CABP7: variants seen among roughly 807,000 people sequenced by gnomAD.
The protein encoded by CABP7 is calcium-binding protein 7.
In CABP7, 13 loss-of-function variants were observed where a neutral mutation model predicts 23.1. The ratio of observed to expected loss-of-function variants is 0.56; its 90% CI spans 0.37 to 0.90. The LOEUF (loss-of-function observed/expected upper bound fraction) is 0.90. Among genes scored for constraint, CABP7 ranks in the 40% least tolerant of loss-of-function variants. The pLI, the probability that CABP7 is intolerant of heterozygous loss-of-function variation, is 0.01. For missense variants in CABP7, 248 were observed against 295.6 expected (o/e 0.84, Z 1.18); for synonymous variants, 123 against 115.3 (o/e 1.07, Z -0.43).
chr22:29,729,418 G>T, intron 4 of CABP7, 24 bp from the exon 5 acceptor site: 1 of 1,606,926 alleles, frequency 6.2e-7, no homozygotes, highest in East Asian at 2.2e-5. Context: ...CTGTCTCCCC[G>T]GTGCTCCCGG....
chr22:29,728,769 G>A (rs368548305), intron 3 of CABP7, 27 bp downstream of exon 3: 4 of 1,500,826 alleles, frequency 2.7e-6, no homozygotes, highest in African/African-American at 2.8e-5. Flanking sequence ...TGGGACCCAG[G>A]GCTGTGCACA....
rs377024133 is a variant in CABP7 at position 29,730,859 on chromosome 22, G to A, written c.*1290G>A. ...GAAGGGAGTGAGCGTGGGTCACCTG[G>A]GGAAAATCTCATCTGATTCCCTCCT... On this transcript the variant is annotated 3_prime_UTR_variant, in exon 5 of 5. Transcript: ENST00000216144. The A allele has an allele frequency of 1.4e-3, 236 of 164,066 alleles. 2 individuals carry two copies. The highest frequency in any genetic ancestry group is 1.9e-3 in the Admixed American group (29 of 15,580). 10.2% of individuals were successfully genotyped at this position (164,066 alleles called of 1,614,324 possible). A position where few individuals can be genotyped will look rare whatever the true frequency, so the allele number is the denominator to read the frequency against.
Position 29,720,008 on chromosome 22 carries a change from A to ACGAGCGAGCGAGCGAG in CABP7, c.-414_-399dup, listed in dbSNP as rs1001261040. On this transcript the variant is annotated 5_prime_UTR_variant, in exon 1 of 5. Coordinates refer to ENST00000216144, the MANE Select transcript of CABP7 (RefSeq NM_182527.3). This position sits in a 1 kb window ranked among gnomAD's most constrained non-coding sequence, Gnocchi z 5.2. ...GGGAGCGCAGCCAGCGCGGCACAGA[A>ACGAGCGAGCGAGCGAG]CGAGCGAGCGAGCGAGCGGAGAGGC... 1.4e-5 allele frequency: 2 copies of ACGAGCGAGCGAGCGAG among 147,018 alleles called. No homozygotes were observed. The highest frequency in any genetic ancestry group is 5.0e-5 in the African/African-American group (2 of 40,254). 9.1% of individuals were successfully genotyped at this position (147,018 alleles called of 1,614,324 possible).
At chr22:29,721,106 G>A (rs1031895811) in intron 1 of CABP7, among the ~76,000 whole-genome samples, 1 of 152,132 alleles carries the variant, frequency 6.6e-6, no homozygotes, top group Non-Finnish European at 1.5e-5. Context: ...CCAGCCCGGC[G>A]CGCCGGGAAG....
In CABP7 at chr22:29,730,142, A is replaced by AC. The variant is rs1055151015; in HGVS notation, c.*577dup. On this transcript the variant is annotated 3_prime_UTR_variant, in exon 5 of 5. Coordinates refer to ENST00000216144, the MANE Select transcript of CABP7 (RefSeq NM_182527.3). ...GGCCCCTTCCTCTGACCCTCGTTGG[A>AC]CCCCAACCCAGACCCCCTTTTCTCC... 44 of 152,736 alleles carry AC rather than the reference A, an allele frequency of 2.9e-4. No homozygotes were observed. Among genetic ancestry groups the AC allele is most frequent in the Middle Eastern group, 3.4e-3 (1 of 296 alleles). 9.5% of individuals were successfully genotyped at this position (152,736 alleles called of 1,614,324 possible). A position where few individuals can be genotyped will look rare whatever the true frequency, so the allele number is the denominator to read the frequency against.
rs770002818 is a variant in CABP7, at chr22:29,729,047, T to G, written c.367-8T>G. 6.2e-7 allele frequency: 1 copy of G among 1,600,550 alleles called. No individual in the cohort carries two copies. Among genetic ancestry groups the G allele is most frequent in the Admixed American group, 1.7e-5 (1 of 59,740 alleles). ...CTCTCAGAGCACCGTGTTGTCCCCC[T>G]CCGCAAGTGCGACATGCAGAAGCTG... On this transcript the variant is annotated splice_region_variant and splice_polypyrimidine_tract_variant and intron_variant, in intron 3 of 4. Coordinates refer to ENST00000216144, the MANE Select transcript of CABP7 (RefSeq NM_182527.3).
At position 29,720,940 on chromosome 22, in the gene CABP7, C is replaced by T. The variant is rs2067757393; in HGVS notation, c.109+407C>T. On this transcript the variant is annotated intron_variant, in intron 1 of 4. Coordinates refer to ENST00000216144, the MANE Select transcript of CABP7 (RefSeq NM_182527.3). The surrounding 1 kb of genome is among the most constrained non-coding windows in gnomAD (Gnocchi z 5.2). The stretch of plus-strand genomic sequence containing the variant: ...CGCGGCGCCCGCCCGCGGCTCTCTG[C>T]TCGCATTGACATTCCGCTCGTGTCG... 6.6e-6 allele frequency among the ~76,000 whole-genome samples: 1 copy of T among 152,066 alleles called. No individual in the cohort carries two copies. The highest frequency in any genetic ancestry group is 2.1e-4 in the South Asian group (1 of 4,836).
chr22:29,726,260 G>C (rs1344773753), intron 1 of CABP7, among the ~76,000 whole-genome samples: 1 of 152,210 alleles, frequency 6.6e-6, no homozygotes, highest in Non-Finnish European at 1.5e-5. Context: ...GTGGACACCA[G>C]TGGGATAAGC....
In CABP7 at chr22:29,720,642, C is replaced by G. The variant is rs889047310; in HGVS notation, c.109+109C>G. On this transcript the variant is annotated intron_variant, in intron 1 of 4. Transcript: ENST00000216144. This position sits in a 1 kb window ranked among gnomAD's most constrained non-coding sequence, Gnocchi z 5.2. ...GGGGCGGGGGGCGGTCCGCAGGTGCCGGTTGCCAGGTGGGCGCCCCAGCTA... is the reference window on the plus strand; with the variant it reads ...GGGGCGGGGGGCGGTCCGCAGGTGCGGGTTGCCAGGTGGGCGCCCCAGCTA... The G allele has an allele frequency of 2.7e-5, 16 of 583,640 alleles. No individual in the cohort carries two copies. The highest frequency in any genetic ancestry group is 4.0e-5 in the Non-Finnish European group (15 of 371,062). The allele number at this position is 583,640 out of a possible 1,614,324, so 36.2% of individuals were successfully genotyped here. A position where few individuals can be genotyped will look rare whatever the true frequency, so the allele number is the denominator to read the frequency against.
In CABP7 at chr22:29,727,463, T is replaced by C. The variant is rs113867240; in HGVS notation, c.110-199T>C. ...TGGGGGGCCTTGAGCCCTGCTTTAC[T>C]GCCCTGCTCAGCCTGCCCAGAGGTC... is the stretch of plus-strand genomic sequence containing the variant. On this transcript the variant is annotated intron_variant, in intron 1 of 4. Transcript: ENST00000216144. This position sits in a 1 kb window ranked among gnomAD's most constrained non-coding sequence, Gnocchi z 4.2. Among the ~76,000 whole-genome samples, 3 of 152,312 alleles carry C rather than the reference T, an allele frequency of 2.0e-5. No homozygotes were observed. Among genetic ancestry groups the C allele is most frequent in the African/African-American group, 7.2e-5 (3 of 41,578 alleles).
chr22:29,729,285 G>A, intron 4 of CABP7, 77 bp downstream of exon 4: 1 of 1,577,750 alleles, frequency 6.3e-7, no homozygotes, highest in Non-Finnish European at 8.6e-7. Flanking sequence ...GGGAGAGTCT[G>A]CAGAGGGGGG....
In CABP7 at chr22:29,728,749, C is replaced by T. The variant is rs761953884; in HGVS notation, c.366+7C>T. The T allele has an allele frequency of 6.3e-7, 1 of 1,592,402 alleles. No individual in the cohort carries two copies. Among genetic ancestry groups the T allele is most frequent in the Non-Finnish European group, 8.6e-7 (1 of 1,160,688 alleles). On this transcript the variant is annotated splice_region_variant and intron_variant, in intron 3 of 4. Coordinates refer to ENST00000216144, the MANE Select transcript of CABP7 (RefSeq NM_182527.3). ...TGATACTGTCTTCTGGAAGGTATCCCCTGGCTAGTTGGGACCCAGGGCTGT... is the reference window on the plus strand; with the variant it reads ...TGATACTGTCTTCTGGAAGGTATCCTCTGGCTAGTTGGGACCCAGGGCTGT...
intron 1 of CABP7, among the ~76,000 whole-genome samples, chr22:29,722,706 G>A (rs1012787725): frequency 1.3e-5 from 2 of 152,242 alleles, no homozygotes; most frequent in Admixed American, 6.5e-5. Context: ...TGCCCTCTCC[G>A]CCTCTGCAGG....
At position 29,729,426 on chromosome 22, in the gene CABP7, C is replaced by T. The variant is rs758530626; in HGVS notation, c.521-16C>T. 7.5e-6 allele frequency: 12 copies of T among 1,607,312 alleles called. No individual in the cohort carries two copies. Among genetic ancestry groups the T allele is most frequent in the Middle Eastern group, 1.6e-4 (1 of 6,074 alleles). ...TCCCCTTCTGTCTCCCCGGTGCTCCCGGCGGGCGGCCACAGCCTGCTCCAA... is the reference window on the plus strand; with the variant it reads ...TCCCCTTCTGTCTCCCCGGTGCTCCTGGCGGGCGGCCACAGCCTGCTCCAA... On this transcript the variant is annotated splice_polypyrimidine_tract_variant and intron_variant, in intron 4 of 4. Coordinates refer to ENST00000216144, the MANE Select transcript of CABP7 (RefSeq NM_182527.3).
At chr22:29,721,297 G>A (rs1396414449) in intron 1 of CABP7, among the ~76,000 whole-genome samples, 6 of 152,140 alleles carry the variant, frequency 3.9e-5, no homozygotes, top group Admixed American at 3.9e-4. Context: ...AGAGCAGAGG[G>A]CAGGGGCAGG....
intron 2 of CABP7, among the ~76,000 whole-genome samples, chr22:29,728,284 C>A (rs997332537): frequency 6.6e-6 from 1 of 152,210 alleles, no homozygotes; most frequent in Non-Finnish European, 1.5e-5. Flanking sequence ...CCACTCTGAG[C>A]TTCAGTTCCT....
At chr22:29,724,710 G>T (rs1269980412) in intron 1 of CABP7, among the ~76,000 whole-genome samples, 1 of 152,182 alleles carries the variant, frequency 6.6e-6, no homozygotes, top group African/African-American at 2.4e-5. Flanking sequence ...CCAAGGAGGG[G>T]TGTTAAAGGG....
rs1479035114 is a variant in CABP7, at chr22:29,727,039, C to T, written c.110-623C>T. On this transcript the variant is annotated intron_variant, in intron 1 of 4. Coordinates refer to ENST00000216144, the MANE Select transcript of CABP7 (RefSeq NM_182527.3). The surrounding 1 kb of genome is among the most constrained non-coding windows in gnomAD (Gnocchi z 4.2). ...GTCATCAGGCCTCGGTCTTCTGCTC[C>T]GTACAGTGTGGAGGGCGACCCCCCA... is the stretch of plus-strand genomic sequence containing the variant. 6.6e-6 allele frequency among the ~76,000 whole-genome samples: 1 copy of T among 152,288 alleles called. No individual in the cohort carries two copies. The highest frequency in any genetic ancestry group is 1.5e-5 in the Non-Finnish European group (1 of 68,028).
At chr22:29,728,926 TG>T in intron 3 of CABP7, 128 bp from the exon 4 acceptor site, 1 of 1,282,632 alleles carries the variant, frequency 7.8e-7, no homozygotes, top group Non-Finnish European at 1.1e-6. Context: ...AAGGACTCTC[TG>T]GGGGAATGGA....
Sources: allele counts gnomAD v4.1 joint callset (sites outside exome capture counted in the v4.1 genomes callset), GRCh38; gene constraint gnomAD v4.1.1; non-coding constraint Gnocchi (gnomAD v3.1); transcripts MANE v1.5; gene names NCBI Gene and HGNC (gene_info 2026-07-23, HGNC 2026-07-21).